Variants in NEMP2 observed in about 807,000 individuals in gnomAD.
The protein encoded by NEMP2 is nuclear envelope integral membrane protein 2.
Under a neutral mutation model 54.2 loss-of-function variants are expected in NEMP2, and 53 were observed. That is an observed-to-expected ratio of 0.98 (90% CI 0.78 to 1.23). The LOEUF (loss-of-function observed/expected upper bound fraction) is 1.23. NEMP2 is among the 50% of genes most tolerant of loss of function. The probability of loss-of-function intolerance (pLI) is 0.00; values close to 1 mark genes in which losing one functional copy is unlikely to be tolerated. For synonymous variants in NEMP2, 197 were observed against 190.3 expected, an observed-to-expected ratio of 1.04 and a Z score of -0.29; for missense variants, 455 against 511.3, an observed-to-expected ratio of 0.89 and a Z score of 1.06.
At chr2:190,580,566 C>T in the NEMP2 span, among the ~76,000 whole-genome samples, 3 of 152,170 alleles carry the variant, frequency 2.0e-5, no homozygotes, top group Non-Finnish European at 4.4e-5. The surrounding 1 kb of genome is among the most constrained non-coding windows in gnomAD (Gnocchi z 5.3). Flanking sequence ...AACAAATTGC[C>T]TTAATTTCCT....
the NEMP2 span, chr2:190,469,939 C>G: frequency 1.1e-6 from 1 of 944,840 alleles, no homozygotes; most frequent in Non-Finnish European, 1.6e-6. The surrounding 1 kb of genome is among the most constrained non-coding windows in gnomAD (Gnocchi z 5.3). Context: ...GCATCTGATT[C>G]TATAAAGGAA....
At chr2:190,495,190 C>T in the NEMP2 span, among the ~76,000 whole-genome samples, 2 of 144,016 alleles carry the variant, frequency 1.4e-5, no homozygotes, top group African/African-American at 4.9e-5. This position sits in a 1 kb window ranked among gnomAD's most constrained non-coding sequence, Gnocchi z 4.7. Flanking sequence ...ATCAGTAGCT[C>T]TGCTGTACAC....
At chr2:190,517,712 A>G (rs1442872058) in intron 4 of NEMP2, 99 bp from the exon 5 acceptor site, 10 of 847,178 alleles carry the variant, frequency 1.2e-5, no homozygotes, top group Non-Finnish European at 1.9e-5. Context: ...AATAACACTA[A>G]GAACAGAAAA....
the NEMP2 span, chr2:190,436,953 C>T: frequency 1.5e-5 from 24 of 1,614,058 alleles, no homozygotes; most frequent in Non-Finnish European, 1.9e-5. The surrounding 1 kb of genome is among the most constrained non-coding windows in gnomAD (Gnocchi z 5.3). Flanking sequence ...CTGTCACAAT[C>T]GTAGACACGG....
At chr2:190,499,807 T>G (rs759586140), downstream of NEMP2, 1 of 1,527,696 alleles carries the variant, frequency 6.5e-7, no homozygotes, top group Non-Finnish European at 8.8e-7. This position sits in a 1 kb window ranked among gnomAD's most constrained non-coding sequence, Gnocchi z 6.0. Context: ...TTATAGTGTT[T>G]GTGTTTTTCA....
chr2:190,587,864 C>T, the NEMP2 span, among the ~76,000 whole-genome samples: 4 of 152,042 alleles, frequency 2.6e-5, no homozygotes, highest in South Asian at 8.3e-4. This position sits in a 1 kb window ranked among gnomAD's most constrained non-coding sequence, Gnocchi z 5.4. Flanking sequence ...CCTCACCAGC[C>T]GAGGGGTCAA....
the NEMP2 span, chr2:190,464,965 G>C: frequency 5.3e-6 from 5 of 942,460 alleles, no homozygotes; most frequent in Non-Finnish European, 6.3e-6. Flanking sequence ...TAGAAAAGTA[G>C]GGTCTCACAA....
Position 190,514,924 on chromosome 2 carries a change from GT to G in NEMP2, c.728-247del, listed in dbSNP as rs1690500325. On this transcript the variant is annotated intron_variant, in intron 6 of 8. Coordinates refer to ENST00000409150, the MANE Select transcript of NEMP2 (RefSeq NM_001142645.2). This position sits in a 1 kb window ranked among gnomAD's most constrained non-coding sequence, Gnocchi z 5.7. ...TATGATGATACATAAGTATGTCTGT[GT>G]TTTAGTCCAGCACCCTGGCTGGACT... is the stretch of plus-strand genomic sequence containing the variant. Among the ~76,000 whole-genome samples the G allele has an allele frequency of 6.6e-6, 1 of 152,136 alleles. No homozygotes were observed. Among genetic ancestry groups the G allele is most frequent in the Non-Finnish European group, 1.5e-5 (1 of 68,018 alleles).
the NEMP2 span, among the ~76,000 whole-genome samples, chr2:190,453,361 T>A: frequency 6.6e-6 from 1 of 152,118 alleles, no homozygotes; most frequent in Non-Finnish European, 1.5e-5. Context: ...GGATGCCCAT[T>A]GGAAAGTTGC....
chr2:190,428,085 A>G, the NEMP2 span, among the ~76,000 whole-genome samples: 1,732 of 152,260 alleles, frequency 0.011, 35 homozygotes, highest in African/African-American at 0.038. Context: ...TTATTTTTCC[A>G]TAAGTGGAAT....
the NEMP2 span, among the ~76,000 whole-genome samples, chr2:190,581,249 T>C: frequency 6.6e-6 from 1 of 152,188 alleles, no homozygotes; most frequent in East Asian, 1.9e-4. Flanking sequence ...ATGGCAGTAA[T>C]CCATTACTGA....
downstream of NEMP2, chr2:190,500,997 G>A (rs1403649288): frequency 6.6e-6 from 1 of 152,150 alleles, no homozygotes; most frequent in East Asian, 1.9e-4. The surrounding 1 kb of genome is among the most constrained non-coding windows in gnomAD (Gnocchi z 5.3). Context: ...AGTATCCTGT[G>A]TTTTGATAGA....
the NEMP2 span, among the ~76,000 whole-genome samples, chr2:190,422,336 T>C: frequency 6.6e-6 from 1 of 152,200 alleles, no homozygotes; most frequent in Admixed American, 6.5e-5. Context: ...TCTCCAGTTC[T>C]GTCATCCCTG....
the NEMP2 span, among the ~76,000 whole-genome samples, chr2:190,604,136 C>T: frequency 6.6e-6 from 1 of 152,160 alleles, no homozygotes; most frequent in Admixed American, 6.5e-5. This position sits in a 1 kb window ranked among gnomAD's most constrained non-coding sequence, Gnocchi z 4.5. Flanking sequence ...ACGTGTCCAT[C>T]GATAGGTGCC....
chr2:190,487,112 G>A, the NEMP2 span, among the ~76,000 whole-genome samples: 2 of 152,172 alleles, frequency 1.3e-5, no homozygotes, highest in Admixed American at 1.3e-4. The surrounding 1 kb of genome is among the most constrained non-coding windows in gnomAD (Gnocchi z 5.5). Flanking sequence ...AGAGGCTGAG[G>A]CAGGTGGATC....
the NEMP2 span, among the ~76,000 whole-genome samples, chr2:190,439,355 T>A: frequency 6.6e-6 from 1 of 152,274 alleles, no homozygotes; most frequent in Middle Eastern, 3.4e-3. The surrounding 1 kb of genome is among the most constrained non-coding windows in gnomAD (Gnocchi z 5.8). Context: ...TTTTCTTTTT[T>A]TTCACGTTTT....
chr2:190,440,628 AG>A, the NEMP2 span, among the ~76,000 whole-genome samples: 2 of 152,228 alleles, frequency 1.3e-5, no homozygotes. Context: ...TTCCAATGTT[AG>A]GCCATCCCCT....
chr2:190,455,000 A>T, the NEMP2 span, among the ~76,000 whole-genome samples: 17 of 46,604 alleles, frequency 3.6e-4, no homozygotes, highest in East Asian at 8.4e-3. This position sits in a 1 kb window ranked among gnomAD's most constrained non-coding sequence, Gnocchi z 4.6. Flanking sequence ...GTATATGTAT[A>T]ATGTATATGT....
At chr2:190,647,281 C>T in the NEMP2 span, among the ~76,000 whole-genome samples, 1 of 152,042 alleles carries the variant, frequency 6.6e-6, no homozygotes, top group Non-Finnish European at 1.5e-5. Context: ...TATTCCATTG[C>T]GGCATTACTC....
Sources: gnomAD v4.1 joint callset for allele counts (sites outside exome capture counted in the v4.1 genomes callset) on GRCh38, gnomAD v4.1.1 for gene constraint, Gnocchi (gnomAD v3.1) non-coding constraint, MANE v1.5 for transcripts, NCBI Gene and HGNC (gene_info 2026-07-23, HGNC 2026-07-21) for gene names.